The following LRRC9 variants were observed in gnomAD, a reference collection of about 807,000 sequenced individuals.
The protein encoded by LRRC9 is leucine rich repeat containing 9.
In LRRC9, 122 loss-of-function variants were observed where a neutral mutation model predicts 63.2. The observed-to-expected ratio is 1.93, with a 90% confidence interval of 1.67 to 2.24. LRRC9 has a LOEUF of 2.24. LRRC9 is among the 30% of genes most tolerant of loss of function. The pLI, the probability that LRRC9 is intolerant of heterozygous loss-of-function variation, is 0.00. For synonymous variants in LRRC9, 366 were observed against 213.1 expected (o/e 1.72, Z -6.25); for missense variants, 1,071 against 627.7 (o/e 1.71, Z -7.55).
exon 23 of LRRC9, chr14:60,008,176 C>A (rs1889971617): frequency 4.3e-6 from 3 of 701,572 alleles, no homozygotes; most frequent in Non-Finnish European, 7.8e-6. Flanking sequence ...TGTAATATTT[C>A]ATCTTCCAGA....
At chr14:59,937,361 C>CT (rs1425751121) in intron 6 of LRRC9, among the ~76,000 whole-genome samples, 9 of 152,100 alleles carry the variant, frequency 5.9e-5, no homozygotes, top group Admixed American at 5.9e-4. Flanking sequence ...AGACCCTTGG[C>CT]TTATAGACAC....
At chr14:59,983,629 G>A (rs1420059015) in intron 16 of LRRC9, among the ~76,000 whole-genome samples, 2 of 152,106 alleles carry the variant, frequency 1.3e-5, no homozygotes, top group Non-Finnish European at 2.9e-5. Flanking sequence ...GATGTCTTCA[G>A]GGAACACTGA....
intron 29 of LRRC9, among the ~76,000 whole-genome samples, chr14:60,041,489 G>A (rs764737468): frequency 1.8e-4 from 27 of 151,916 alleles, no homozygotes; most frequent in Admixed American, 3.3e-4. Context: ...CATTTCATTC[G>A]TTTGATGTTC....
chr14:60,015,232 T>C (rs1228129237), intron 23 of LRRC9, among the ~76,000 whole-genome samples: 1 of 142,606 alleles, frequency 7.0e-6, no homozygotes, highest in Non-Finnish European at 1.5e-5. Context: ...GTTGAGCATT[T>C]TTCCTTTGAC....
At chr14:60,044,972 T>C (rs1893283616) in intron 29 of LRRC9, among the ~76,000 whole-genome samples, 1 of 152,150 alleles carries the variant, frequency 6.6e-6, no homozygotes, top group African/African-American at 2.4e-5. Flanking sequence ...AGCACTAGTG[T>C]TCAGTGCATA....
chr14:60,023,062 G>A (rs1224955799), intron 27 of LRRC9, among the ~76,000 whole-genome samples, 192 bp downstream of exon 27: 2 of 151,730 alleles, frequency 1.3e-5, no homozygotes, highest in Non-Finnish European at 2.9e-5. Context: ...GGTCAATGCA[G>A]TATTCTGAGA....
At chr14:60,026,834 C>A (rs891747986) in intron 27 of LRRC9, among the ~76,000 whole-genome samples, 1 of 151,974 alleles carries the variant, frequency 6.6e-6, no homozygotes, top group African/African-American at 2.4e-5. Context: ...TTTCTGAGTT[C>A]TCTATTCTGT....
downstream of LRRC9, among the ~76,000 whole-genome samples, chr14:60,064,739 T>G (rs1307762659): frequency 6.6e-6 from 1 of 152,220 alleles, no homozygotes; most frequent in African/African-American, 2.4e-5. Context: ...TATAGTGTTG[T>G]GACAGTCTAC....
At chr14:60,035,518 A>G (rs1892358040) in intron 29 of LRRC9, among the ~76,000 whole-genome samples, 1 of 152,172 alleles carries the variant, frequency 6.6e-6, no homozygotes, top group Non-Finnish European at 1.5e-5. Context: ...TATTTTGTAT[A>G]TAGTGAGAGA....
exon 14 of LRRC9, chr14:59,977,251 C>G (rs1304455623): frequency 1.3e-5 from 9 of 687,706 alleles, no homozygotes; most frequent in African/African-American, 3.5e-5. Context: ...AAAAGTTTTC[C>G]TTGGCCAGAG....
chr14:60,060,726 G>A lies in LRRC9; in HGVS notation c.4277-2597G>A, dbSNP rs1475566021. Among the ~76,000 whole-genome samples, 2 of 152,126 alleles carry A rather than the reference G, an allele frequency of 1.3e-5. No individual in the cohort carries two copies. The highest frequency in any genetic ancestry group is 2.4e-5 in the African/African-American group (1 of 41,416). ...ACTGCTCTCCAGCCTGGGTGACAGA[G>A]CAAGACTCCATCTCAAAAAATAAAA... is the stretch of plus-strand genomic sequence containing the variant. On this transcript the variant is annotated intron_variant, in intron 31 of 31. Transcript: ENST00000445360. This position sits in a 1 kb window ranked among gnomAD's most constrained non-coding sequence, Gnocchi z 4.0.
chr14:60,057,261 T>C (rs1000831327), intron 30 of LRRC9, among the ~76,000 whole-genome samples: 3 of 152,138 alleles, frequency 2.0e-5, no homozygotes, highest in Non-Finnish European at 2.9e-5. Context: ...TCCTAAAATA[T>C]TTTTCTCCTC....
chr14:60,010,516 GTC>G (rs1309472675), intron 23 of LRRC9, among the ~76,000 whole-genome samples: 1 of 152,142 alleles, frequency 6.6e-6, no homozygotes, highest in African/African-American at 2.4e-5. Flanking sequence ...TGCTGTGAAG[GTC>G]TCTGACATGC....
At chr14:59,954,304 T>G (rs536341896) in intron 8 of LRRC9, among the ~76,000 whole-genome samples, 5 of 152,272 alleles carry the variant, frequency 3.3e-5, no homozygotes, top group African/African-American at 1.2e-4. Flanking sequence ...GCATGGAATG[T>G]TTTTCCATTT....
At chr14:59,921,291 C>G (rs1293456272) in intron 1 of LRRC9, among the ~76,000 whole-genome samples, 1 of 152,074 alleles carries the variant, frequency 6.6e-6, no homozygotes, top group African/African-American at 2.4e-5. Flanking sequence ...GCATGGAAAC[C>G]ATTAATACCT....
chr14:60,032,597 C>G (rs1282599264), intron 29 of LRRC9, among the ~76,000 whole-genome samples: 21 of 151,964 alleles, frequency 1.4e-4, no homozygotes, highest in Admixed American at 1.4e-3. Context: ...TGAGGGAACC[C>G]AATAAGTAGC....
chr14:59,995,928 A>T (rs1283200491), intron 17 of LRRC9, among the ~76,000 whole-genome samples: 1 of 152,082 alleles, frequency 6.6e-6, no homozygotes, highest in East Asian at 1.9e-4. Context: ...TTTTTCGTAG[A>T]GATGGGGTTT....
chr14:60,060,134 TGTCTATGCTCTATCA>T lies in LRRC9; in HGVS notation c.4276+2128_4276+2142del, dbSNP rs1486865166. Reference sequence around the variant, plus strand: ...CTTAAGAATTATGCTAAATCTACTTTGTCTATGCTCTATCAGTCTATGCTCTATCAATGTACAAAG... The same window carrying T: ...CTTAAGAATTATGCTAAATCTACTTTGTCTATGCTCTATCAATGTACAAAG... On this transcript the variant is annotated intron_variant, in intron 31 of 31. Coordinates refer to ENST00000445360, the Ensembl canonical transcript of LRRC9. This position sits in a 1 kb window ranked among gnomAD's most constrained non-coding sequence, Gnocchi z 4.0. Among the ~76,000 whole-genome samples, 2 of 152,234 alleles carry T rather than the reference TGTCTATGCTCTATCA, an allele frequency of 1.3e-5. No homozygotes were observed. Among genetic ancestry groups the T allele is most frequent in the Admixed American group, 6.5e-5 (1 of 15,280 alleles).
rs1566845998 is a variant in LRRC9 at position 59,985,770 on chromosome 14, CA to C, written c.2211+547del. 2.0e-5 allele frequency among the ~76,000 whole-genome samples: 3 copies of C among 152,106 alleles called. 1 individual carries two copies. Among genetic ancestry groups the C allele is most frequent in the African/African-American group, 7.2e-5 (3 of 41,412 alleles). ...TATACAGCCTAAATCAGCCTAAATACATATACTGTATTATGTTACTTTCTCT... is the reference window on the plus strand; with the variant it reads ...TATACAGCCTAAATCAGCCTAAATACTATACTGTATTATGTTACTTTCTCT... On this transcript the variant is annotated intron_variant, in intron 17 of 31. Transcript: ENST00000445360.
Sources: gnomAD v4.1 joint callset for allele counts (sites outside exome capture counted in the v4.1 genomes callset) on GRCh38, gnomAD v4.1.1 for gene constraint, Gnocchi (gnomAD v3.1) non-coding constraint, MANE v1.5 for transcripts, NCBI Gene and HGNC (gene_info 2026-07-23, HGNC 2026-07-21) for gene names.